The following ANXA8 variants were observed in gnomAD, a reference collection of about 807,000 sequenced individuals.
The protein encoded by ANXA8 is annexin A8.
A neutral mutation model predicts 26.8 loss-of-function variants in ANXA8; 9 were observed. The ratio of observed to expected loss-of-function variants is 0.34; its 90% CI spans 0.20 to 0.59. ANXA8 has a LOEUF of 0.59. ANXA8 is among the 20% of genes least tolerant of loss of function. The pLI, the probability that ANXA8 is intolerant of heterozygous loss-of-function variation, is 0.84. For synonymous variants in ANXA8, 39 were observed against 94.8 expected, an observed-to-expected ratio of 0.41 and a Z score of 3.42; for missense variants, 83 against 238.5, an observed-to-expected ratio of 0.35 and a Z score of 4.29.
At chr10:47,677,397 A>G in the ANXA8 span, among the ~76,000 whole-genome samples, 1 of 151,976 alleles carries the variant, frequency 6.6e-6, no homozygotes, top group Admixed American at 6.5e-5. Flanking sequence ...CAGCTAGAAA[A>G]CAGGACAAAA....
the ANXA8 span, chr10:47,564,124 A>AC: frequency 9.4e-6 from 4 of 426,080 alleles, no homozygotes; most frequent in Middle Eastern, 5.9e-4. Context: ...TCCTCGGAGC[A>AC]CCCCCGAGGT....
At chr10:47,591,729 A>C in the ANXA8 span, among the ~76,000 whole-genome samples, 3 of 129,700 alleles carry the variant, frequency 2.3e-5, 1 homozygote, top group African/African-American at 1.0e-4. Context: ...TACAGGCATA[A>C]GCTACCGTGC....
At chr10:47,659,330 G>C in the ANXA8 span, among the ~76,000 whole-genome samples, 2 of 151,880 alleles carry the variant, frequency 1.3e-5, no homozygotes, top group Non-Finnish European at 2.9e-5. Flanking sequence ...GTATTCAAGA[G>C]AGAATATTAA....
At chr10:47,710,204 A>C in the ANXA8 span, 2 of 1,390,240 alleles carry the variant, frequency 1.4e-6, no homozygotes, top group African/African-American at 1.6e-5. Flanking sequence ...GTCTGTATGC[A>C]TGTTTTTTTT....
At chr10:47,733,207 T>TTCTCTCTCTC in the ANXA8 span, among the ~76,000 whole-genome samples, 4 of 90,054 alleles carry the variant, frequency 4.4e-5, no homozygotes, top group Admixed American at 3.6e-4. Flanking sequence ...CTTTCTTTCT[T>TTCTCTCTCTC]TCTTTCTTTC....
chr10:47,577,706 A>C, the ANXA8 span, among the ~76,000 whole-genome samples: 2 of 108,486 alleles, frequency 1.8e-5, no homozygotes, highest in East Asian at 4.5e-4. Context: ...AAATATAAGA[A>C]TGCTTGGCCT....
At chr10:47,721,517 A>T in the ANXA8 span, among the ~76,000 whole-genome samples, 14 of 140,800 alleles carry the variant, frequency 9.9e-5, 1 homozygote, top group South Asian at 3.1e-3. Flanking sequence ...ATTATTTTTT[A>T]TTTATTTAAA....
chr10:47,492,704 T>C, the ANXA8 span, among the ~76,000 whole-genome samples: 4 of 139,186 alleles, frequency 2.9e-5, no homozygotes, highest in African/African-American at 5.8e-5. Context: ...CCACTCATCA[T>C]TGAGGTGCCC....
the ANXA8 span, among the ~76,000 whole-genome samples, chr10:47,985,174 AT>A: frequency 6.7e-6 from 1 of 150,038 alleles, no homozygotes; most frequent in Non-Finnish European, 1.5e-5. Context: ...ATGAAGAGAC[AT>A]TTCATGGCCG....
chr10:47,971,679 AT>A, the ANXA8 span, among the ~76,000 whole-genome samples: 21 of 58,274 alleles, frequency 3.6e-4, 1 homozygote, highest in African/African-American at 1.1e-3. Flanking sequence ...GCCAGTGAGG[AT>A]TTGGGAGGAA....
At chr10:47,689,472 G>A in the ANXA8 span, among the ~76,000 whole-genome samples, 17 of 151,868 alleles carry the variant, frequency 1.1e-4, no homozygotes, top group East Asian at 3.9e-4. Context: ...CACTGCGCCC[G>A]GCCTAAAGAG....
At chr10:47,623,114 A>G in the ANXA8 span, among the ~76,000 whole-genome samples, 2 of 110,436 alleles carry the variant, frequency 1.8e-5, no homozygotes, top group African/African-American at 7.0e-5. Context: ...TTTAGTTTAT[A>G]TTTGTTATCA....
the ANXA8 span, among the ~76,000 whole-genome samples, chr10:47,768,104 TC>T: frequency 1.3e-5 from 2 of 150,750 alleles, no homozygotes; most frequent in Non-Finnish European, 2.9e-5. Flanking sequence ...GCAAGGCTTG[TC>T]CTTCCTCAAT....
At chr10:47,692,901 AT>A in the ANXA8 span, among the ~76,000 whole-genome samples, 1 of 150,546 alleles carries the variant, frequency 6.6e-6, no homozygotes, top group Non-Finnish European at 1.5e-5. Flanking sequence ...TGCCTGGCTA[AT>A]TTTTGTATTT....
chr10:47,646,326 C>A, the ANXA8 span, among the ~76,000 whole-genome samples: 1 of 140,404 alleles, frequency 7.1e-6, no homozygotes, highest in African/African-American at 2.9e-5. Flanking sequence ...TAAGAGATAG[C>A]TAGCTACTCT....
At chr10:47,589,896 A>AGACAGAT in the ANXA8 span, among the ~76,000 whole-genome samples, 1 of 128,596 alleles carries the variant, frequency 7.8e-6, no homozygotes, top group South Asian at 2.3e-4. Context: ...GGGGAAAGAT[A>AGACAGAT]GATAGATGAT....
At chr10:47,652,383 G>A in the ANXA8 span, among the ~76,000 whole-genome samples, 14 of 151,850 alleles carry the variant, frequency 9.2e-5, 1 homozygote, top group African/African-American at 3.4e-4. Flanking sequence ...GATCACTTGA[G>A]GCCAGGAGTT....
chr10:47,969,826 C>A, the ANXA8 span, among the ~76,000 whole-genome samples: 3 of 151,280 alleles, frequency 2.0e-5, no homozygotes, highest in South Asian at 6.3e-4. Context: ...AGCGATCCTC[C>A]TGCCTCAGCC....
the ANXA8 span, among the ~76,000 whole-genome samples, chr10:47,587,521 C>T: frequency 2.0e-5 from 3 of 146,710 alleles, no homozygotes; most frequent in Non-Finnish European, 4.4e-5. Flanking sequence ...ATTCACTCCT[C>T]ACAACAATCG....
Sources: gnomAD v4.1 joint callset for allele counts (sites outside exome capture counted in the v4.1 genomes callset) on GRCh38, gnomAD v4.1.1 for gene constraint, MANE v1.5 for transcripts, NCBI Gene and HGNC (gene_info 2026-07-23, HGNC 2026-07-21) for gene names.